The following ARHGEF16 variants were observed in gnomAD, a reference collection of about 807,000 sequenced individuals.
ARHGEF16 encodes the protein Rho guanine exchange factor (GEF) 16.
A neutral mutation model predicts 74.1 loss-of-function variants in ARHGEF16; 59 were observed. That is an observed-to-expected ratio of 0.80 (90% CI 0.65 to 0.99). The LOEUF (loss-of-function observed/expected upper bound fraction) is 0.99, where lower values mean the gene tolerates loss of function less well. Ranked by LOEUF, ARHGEF16 falls within the 50% of genes least tolerant of loss-of-function variation. The pLI, the probability that ARHGEF16 is intolerant of heterozygous loss-of-function variation, is 0.00. For synonymous variants in ARHGEF16, 415 were observed against 412.6 expected, an observed-to-expected ratio of 1.01 and a Z score of -0.07; for missense variants, 948 against 986.6, an observed-to-expected ratio of 0.96 and a Z score of 0.52.
chr1:3,466,249 C>T (rs903700667), intron 3 of ARHGEF16, 56 bp downstream of exon 3: 80 of 1,490,850 alleles, frequency 5.4e-5, no homozygotes, highest in Non-Finnish European at 6.6e-5. Context: ...ACTGGTCTCA[C>T]TGGGGCACCC....
At chr1:3,474,304 C>T in intron 8 of ARHGEF16, 1 of 253,200 alleles carries the variant, frequency 3.9e-6, no homozygotes, top group Non-Finnish European at 7.8e-6. Context: ...CAGCCCCGCA[C>T]ATGGCAGGAC....
intron 10 of ARHGEF16, among the ~76,000 whole-genome samples, 197 bp downstream of exon 10, chr1:3,476,259 C>G (rs1639871398): frequency 6.6e-6 from 1 of 152,162 alleles, no homozygotes; most frequent in African/African-American, 2.4e-5. Flanking sequence ...GGGAGCGCCC[C>G]TTGTGGACCC....
chr1:3,473,776 GAGGTTCAGGCACACTGACGAGTTGGA>G, intron 8 of ARHGEF16: 1 of 615,726 alleles, frequency 1.6e-6, no homozygotes, highest in Non-Finnish European at 2.8e-6. Flanking sequence ...AATGGTTCAT[GAGGTTCAGGCACACTGACGAGTTGGA>G]ACTGGCATCA....
chr1:3,468,195 G>T (rs1052957621), intron 4 of ARHGEF16, among the ~76,000 whole-genome samples: 1 of 152,178 alleles, frequency 6.6e-6, no homozygotes, highest in African/African-American at 2.4e-5. Context: ...CAGAGTTTCC[G>T]ACCCTGCATG....
chr1:3,455,991 G>A (rs575791479), intron 1 of ARHGEF16, among the ~76,000 whole-genome samples: 1 of 152,302 alleles, frequency 6.6e-6, no homozygotes, highest in African/African-American at 2.4e-5. Context: ...ATGGGCTGAA[G>A]GTAGGCACTC....
rs551528187 is a variant in ARHGEF16 at position 3,463,991 on chromosome 1, G to T, written c.588+319G>T. Among the ~76,000 whole-genome samples the T allele has an allele frequency of 1.7e-4, 26 of 152,344 alleles. 1 individual carries two copies. Among genetic ancestry groups the T allele is most frequent in the Admixed American group, 1.6e-3 (24 of 15,302 alleles). On this transcript the variant is annotated intron_variant, in intron 2 of 14. Transcript: ENST00000378378. Reference sequence around the variant, plus strand: ...CCCTGTTTCCGAGCTCTGGACAGGAGCCGGCCTGCCTGGATGATAGGGTTC... The same window carrying T: ...CCCTGTTTCCGAGCTCTGGACAGGATCCGGCCTGCCTGGATGATAGGGTTC...
At chr1:3,475,894 G>A (rs1639856518) in intron 9 of ARHGEF16, 76 bp from the exon 10 acceptor site, 1 of 1,437,468 alleles carries the variant, frequency 7.0e-7, no homozygotes, top group Non-Finnish European at 9.4e-7. Flanking sequence ...CAGGTGTCCT[G>A]GGCACACTGT....
chr1:3,473,542 G>A lies in ARHGEF16; in HGVS notation c.1305+20G>A. 6.2e-7 allele frequency: 1 copy of A among 1,603,008 alleles called. No individual in the cohort carries two copies. The highest frequency in any genetic ancestry group is 1.1e-5 in the South Asian group (1 of 91,084). The stretch of plus-strand genomic sequence containing the variant: ...ATGGATGTAAGTCCACGGCCTGAGG[G>A]TGGGGCCGGGCATACCATCCTGGGG... On this transcript the variant is annotated intron_variant, in intron 8 of 14. Coordinates refer to ENST00000378378, the MANE Select transcript of ARHGEF16 (RefSeq NM_014448.4).
rs148553959 is a variant in ARHGEF16 at position 3,459,595 on chromosome 1, A to C, written c.-19-3471A>C. ...ATCCGCCCAGGGTGAGGCCCAGAGCACTGGGCCCTCTGGAGAGGGAGGACG... is the reference window on the plus strand; with the variant it reads ...ATCCGCCCAGGGTGAGGCCCAGAGCCCTGGGCCCTCTGGAGAGGGAGGACG... On this transcript the variant is annotated intron_variant, in intron 1 of 14. Coordinates refer to ENST00000378378, the MANE Select transcript of ARHGEF16 (RefSeq NM_014448.4). Among the ~76,000 whole-genome samples, 3 of 152,264 alleles carry C rather than the reference A, an allele frequency of 2.0e-5. No homozygotes were observed. In the East Asian group the frequency reaches 5.8e-4, roughly 29 times the overall value.
In ARHGEF16 at chr1:3,463,476, C is replaced by T. The variant is rs550096684; in HGVS notation, c.392C>T (p.Ser131Phe). Residue 131 changes from serine to phenylalanine, a missense_variant, in exon 2 of 15, where the codon TCC becomes TTC. By Grantham distance (155) the Ser-to-Phe change is radical. Transcript: ENST00000378378. ...AAGCTCCTCCCAGCCCCCAGCTTCT[C>T]CCTGGATGACATGGACGTGGACAAG... is the stretch of plus-strand genomic sequence containing the variant. ...DPKLLPAPSF[S>F]LDDMDVDKDP... 2.0e-6 allele frequency: 3 copies of T among 1,527,660 alleles called. No homozygotes were observed. Among genetic ancestry groups the T allele is most frequent in the Admixed American group, 4.2e-5 (2 of 47,222 alleles). 94.6% of individuals were successfully genotyped at this position (1,527,660 alleles called of 1,614,324 possible).
chr1:3,478,491 T>G lies in ARHGEF16; in HGVS notation c.1693T>G (p.Ser565Ala), dbSNP rs769559119. ...NHIQVEKIEPSELPLPGGGNR... is the reference protein window; with the variant it reads ...NHIQVEKIEPAELPLPGGGNR... ...CATCCAGGTGGAGAAGATAGAGCCG[T>G]CTGAGCTCCCTCTGCCCGGGGGCGG... Residue 565 changes from serine to alanine, a missense_variant, in exon 12 of 15, where the codon TCT (serine) becomes GCT (alanine). By Grantham distance (99) the Ser-to-Ala change is moderately conservative. Coordinates refer to ENST00000378378, the MANE Select transcript of ARHGEF16 (RefSeq NM_014448.4). 1.7e-5 allele frequency: 27 copies of G among 1,612,452 alleles called. No homozygotes were observed. In the South Asian group the frequency reaches 2.9e-4, roughly 17 times the overall value.
intron 1 of ARHGEF16, among the ~76,000 whole-genome samples, chr1:3,460,076 G>A (rs1639356655): frequency 6.6e-6 from 1 of 152,214 alleles, no homozygotes; most frequent in African/African-American, 2.4e-5. Context: ...AAAACAGAAG[G>A]CAACGGGTGC....
At position 3,480,905 on chromosome 1, in the gene ARHGEF16, A is replaced by C; in HGVS notation, c.*318A>C. On this transcript the variant is annotated 3_prime_UTR_variant, in exon 15 of 15. Transcript: ENST00000378378. ...GCACCCAGGGGGCAACTCCACCTGG[A>C]CTGATGGGCACAGGAGGCACCAATA... 1 of 434,630 alleles carries C rather than the reference A, an allele frequency of 2.3e-6. No individual in the cohort carries two copies. Among genetic ancestry groups the C allele is most frequent in the African/African-American group, 2.0e-5 (1 of 50,024 alleles). 26.9% of individuals were successfully genotyped at this position (434,630 alleles called of 1,614,324 possible).
In ARHGEF16 at chr1:3,463,131, G is replaced by T; in HGVS notation, c.47G>T (p.Gly16Val). The T allele has an allele frequency of 6.7e-7, 1 of 1,481,970 alleles. No homozygotes were observed. Among genetic ancestry groups the T allele is most frequent in the Non-Finnish European group, 9.0e-7 (1 of 1,110,960 alleles). The allele number at this position is 1,481,970 out of a possible 1,614,324, so 91.8% of individuals were successfully genotyped here. A position where few individuals can be genotyped will look rare whatever the true frequency, so the allele number is the denominator to read the frequency against. Residue 16 changes from glycine (G) to valine (V), a missense_variant, in exon 2 of 15, where the codon GGA becomes GTA. Physicochemically the swap from Gly to Val is moderately radical, Grantham distance 109. Transcript: ENST00000378378. ...SDSSLEEKLLGHRFHSELRLD... is the reference protein window; with the variant it reads ...SDSSLEEKLLVHRFHSELRLD... ...AGCTCCTTGGAGGAGAAGCTCCTGG[G>T]ACACCGCTTCCACTCGGAGCTCCGG...
At chr1:3,466,544 G>A (rs1046324218) in intron 3 of ARHGEF16, among the ~76,000 whole-genome samples, 1 of 152,180 alleles carries the variant, frequency 6.6e-6, no homozygotes. Context: ...CCCACACCGC[G>A]GGCTCTGCCC....
At chr1:3,462,574 T>A in intron 1 of ARHGEF16, among the ~76,000 whole-genome samples, 1 of 152,188 alleles carries the variant, frequency 6.6e-6, no homozygotes, top group Non-Finnish European at 1.5e-5. Context: ...TGCAACGCCA[T>A]GACCCTTGCG....
In ARHGEF16 at chr1:3,463,144, C is replaced by T. The variant is rs780382049; in HGVS notation, c.60C>T (p.His20=). The T allele has an allele frequency of 1.3e-6, 2 of 1,493,980 alleles. No individual in the cohort carries two copies. The highest frequency in any genetic ancestry group is 2.6e-5 in the South Asian group (2 of 76,624). The allele number at this position is 1,493,980 out of a possible 1,614,324, so 92.5% of individuals were successfully genotyped here. The part of the protein sequence containing the change: ...LEEKLLGHRF[H]SELRLDAGGN... ...AGAAGCTCCTGGGACACCGCTTCCA[C>T]TCGGAGCTCCGGCTCGATGCCGGGG... The change falls in exon 2 of 15, where the codon CAC becomes CAT. Residue 20 remains histidine (H), a synonymous_variant. Transcript: ENST00000378378.
chr1:3,480,299 A>G, intron 14 of ARHGEF16, 149 bp from the exon 15 acceptor site: 1 of 1,199,830 alleles, frequency 8.3e-7, no homozygotes, highest in Non-Finnish European at 1.1e-6. Context: ...GACCATGAGC[A>G]AGGCCTCAGC....
chr1:3,456,107 C>G (rs1639258945), intron 1 of ARHGEF16, among the ~76,000 whole-genome samples: 1 of 152,194 alleles, frequency 6.6e-6, no homozygotes, highest in Non-Finnish European at 1.5e-5. Context: ...GCCCTCCCTC[C>G]ACCTGGACAC....
Sources: gnomAD v4.1 joint callset for allele counts (sites outside exome capture counted in the v4.1 genomes callset) on GRCh38, gnomAD v4.1.1 for gene constraint, MANE v1.5 for transcripts, NCBI Gene and HGNC (gene_info 2026-07-23, HGNC 2026-07-21) for gene names.